The following ALPL variants were observed in gnomAD, a reference collection of about 807,000 sequenced individuals.
ALPL encodes alkaline phosphatase, biomineralization associated.
ALPL carries 42 observed loss-of-function variants against 51.3 expected under a neutral mutation model. The ratio of observed to expected loss-of-function variants is 0.82; its 90% CI spans 0.64 to 1.06. The LOEUF is 1.06. ALPL is among the 50% of genes least tolerant of loss of function. The pLI is 0.00. For synonymous variants in ALPL, 279 were observed against 296.4 expected (o/e 0.94, Z 0.60); for missense variants, 589 against 709.4 (o/e 0.83, Z 1.93).
chr1:21,542,256 A>G (rs1644196573), intron 1 of ALPL, among the ~76,000 whole-genome samples: 1 of 152,040 alleles, frequency 6.6e-6, no homozygotes, highest in Admixed American at 6.6e-5. Flanking sequence ...CTCATTCCTC[A>G]TGCCCACCAG....
intron 2 of ALPL, among the ~76,000 whole-genome samples, chr1:21,554,373 A>G (rs865855666): frequency 1.3e-5 from 2 of 149,572 alleles, no homozygotes; most frequent in South Asian, 4.2e-4. Context: ...ATATATATAC[A>G]AGGAAAATAT....
At chr1:21,544,526 T>G (rs1219835358) in intron 1 of ALPL, among the ~76,000 whole-genome samples, 1 of 152,188 alleles carries the variant, frequency 6.6e-6, no homozygotes, top group Non-Finnish European at 1.5e-5. Flanking sequence ...GTGGATTGCC[T>G]GAGCTCAGGA....
chr1:21,552,629 C>T (rs1644347807), intron 1 of ALPL, among the ~76,000 whole-genome samples: 2 of 152,250 alleles, frequency 1.3e-5, no homozygotes, highest in South Asian at 2.1e-4. Context: ...CCAGGCTGGT[C>T]TCCAACTCCA....
chr1:21,521,543 C>T (rs1478966058), intron 1 of ALPL, among the ~76,000 whole-genome samples: 2 of 152,194 alleles, frequency 1.3e-5, no homozygotes, highest in East Asian at 3.8e-4. Context: ...GCTTTGTTAC[C>T]ATGGGGAAGC....
intron 1 of ALPL, among the ~76,000 whole-genome samples, chr1:21,517,624 C>CTT (rs1643825280): frequency 6.6e-6 from 1 of 152,118 alleles, no homozygotes; most frequent in Non-Finnish European, 1.5e-5. Context: ...TAGAAGGAAG[C>CTT]ATCCTGAGAA....
chr1:21,551,031 C>T (rs1644313908), intron 1 of ALPL, among the ~76,000 whole-genome samples: 1 of 152,186 alleles, frequency 6.6e-6, no homozygotes, highest in Admixed American at 6.5e-5. Flanking sequence ...TGATCAGCTT[C>T]GGTAGATCCT....
At chr1:21,534,063 C>T (rs1327001953) in intron 1 of ALPL, among the ~76,000 whole-genome samples, 1 of 147,282 alleles carries the variant, frequency 6.8e-6, no homozygotes, top group African/African-American at 2.6e-5. Context: ...CGGATCACTG[C>T]AGCCTAGACC....
chr1:21,523,902 T>C (rs1643908880), intron 1 of ALPL, among the ~76,000 whole-genome samples: 1 of 150,554 alleles, frequency 6.6e-6, no homozygotes, highest in South Asian at 2.1e-4. Flanking sequence ...GATCCAGGCC[T>C]AGCTCTTTTA....
At position 21,567,147 on chromosome 1, in the gene ALPL, A is replaced by T. The variant is rs568729252; in HGVS notation, c.649-957A>T. Among the ~76,000 whole-genome samples, 5 of 152,152 alleles carry T rather than the reference A, an allele frequency of 3.3e-5. No homozygotes were observed. The East Asian group carries it at 9.7e-4, about 29-fold the overall frequency. ...GACAGAGTGGAGGATAGAGCAAGGG[A>T]CCTATGAGATGCAGGCCTGGAATGG... On this transcript the variant is annotated intron_variant, in intron 6 of 11. Coordinates refer to ENST00000374840, the MANE Select transcript of ALPL (RefSeq NM_000478.6).
Position 21,577,677 on chromosome 1 carries a change from C to T in ALPL, c.*29C>T, listed in dbSNP as rs768718338. 6 of 1,587,224 alleles carry T rather than the reference C, an allele frequency of 3.8e-6. No homozygotes were observed. The highest frequency in any genetic ancestry group is 1.7e-4 in the Middle Eastern group (1 of 5,830). On this transcript the variant is annotated 3_prime_UTR_variant, in exon 12 of 12. Transcript: ENST00000374840. ...CCCAGGGCCCGGGCACCCACAAGCCCGTGACAGATGCCAACTTCCCACACG... is the reference window on the plus strand; with the variant it reads ...CCCAGGGCCCGGGCACCCACAAGCCTGTGACAGATGCCAACTTCCCACACG...
At chr1:21,561,341 T>G in intron 4 of ALPL, 129 bp downstream of exon 4, 2 of 772,484 alleles carry the variant, frequency 2.6e-6, no homozygotes, top group Non-Finnish European at 4.5e-6. Flanking sequence ...ACTCCCCACC[T>G]GGAGCAGCCA....
intron 2 of ALPL, 61 bp downstream of exon 2, chr1:21,554,203 C>T: frequency 1.3e-6 from 2 of 1,516,252 alleles, no homozygotes; most frequent in Non-Finnish European, 1.8e-6. Flanking sequence ...ATGATGAGGG[C>T]AGTGTCTATG....
chr1:21,516,935 G>C (rs1031024464), intron 1 of ALPL, among the ~76,000 whole-genome samples: 4 of 152,126 alleles, frequency 2.6e-5, no homozygotes, highest in Admixed American at 2.0e-4. Flanking sequence ...GTAGAAAATG[G>C]TTATAACACC....
intron 1 of ALPL, among the ~76,000 whole-genome samples, chr1:21,514,377 A>C (rs1296437368): frequency 6.6e-6 from 1 of 152,044 alleles, no homozygotes; most frequent in Non-Finnish European, 1.5e-5. Flanking sequence ...GCGCCACTTC[A>C]CCCTGTGCTC....
intron 1 of ALPL, among the ~76,000 whole-genome samples, chr1:21,538,419 C>T (rs2148107268): frequency 6.6e-6 from 1 of 152,322 alleles, no homozygotes; most frequent in East Asian, 1.9e-4. Flanking sequence ...TATCTGGAGC[C>T]CAGCTGCCCT....
At chr1:21,560,559 G>T in intron 2 of ALPL, 67 bp from the exon 3 acceptor site, 8 of 1,594,224 alleles carry the variant, frequency 5.0e-6, no homozygotes, top group Non-Finnish European at 6.0e-6. Context: ...GAAGTGGGGG[G>T]ATCTGTACGT....
chr1:21,540,295 G>A (rs1029808828), intron 1 of ALPL, among the ~76,000 whole-genome samples: 1 of 150,740 alleles, frequency 6.6e-6, no homozygotes, highest in Non-Finnish European at 1.5e-5. Flanking sequence ...CCTCCCCTGC[G>A]ATCTCCCTAC....
At chr1:21,547,583 C>T (rs936866508) in intron 1 of ALPL, among the ~76,000 whole-genome samples, 55 of 152,220 alleles carry the variant, frequency 3.6e-4, no homozygotes, top group African/African-American at 1.3e-3. Context: ...GCCCTAAGCT[C>T]GTTCAGCTTC....
chr1:21,509,197 G>A (rs1316788885), upstream of ALPL, among the ~76,000 whole-genome samples: 1 of 151,908 alleles, frequency 6.6e-6, no homozygotes, highest in East Asian at 1.9e-4. This position sits in a 1 kb window ranked among gnomAD's most constrained non-coding sequence, Gnocchi z 6.0. Flanking sequence ...GCGGGCGAGG[G>A]ACGCCAGGGC....
Sources: allele counts gnomAD v4.1 joint callset (sites outside exome capture counted in the v4.1 genomes callset), GRCh38; gene constraint gnomAD v4.1.1; non-coding constraint Gnocchi (gnomAD v3.1); transcripts MANE v1.5; gene names NCBI Gene and HGNC (gene_info 2026-07-23, HGNC 2026-07-21).